Variants in SPATA17 observed in about 807,000 individuals in gnomAD.
The protein encoded by SPATA17 is spermatogenesis associated 17.
In SPATA17, 53 loss-of-function variants were observed where a neutral mutation model predicts 62.2. That is an observed-to-expected ratio of 0.85 (90% CI 0.68 to 1.07). The LOEUF is 1.07. Ranked by LOEUF, SPATA17 falls within the 50% of genes least tolerant of loss-of-function variation. The probability of loss-of-function intolerance (pLI) is 0.00; values close to 1 mark genes in which losing one functional copy is unlikely to be tolerated. For synonymous variants in SPATA17, 146 were observed against 146.8 expected, an observed-to-expected ratio of 0.99 and a Z score of 0.04; for missense variants, 466 against 425.5, an observed-to-expected ratio of 1.10 and a Z score of -0.84.
At chr1:217,712,737 A>G (rs1371434358) in intron 5 of SPATA17, among the ~76,000 whole-genome samples, 2 of 152,172 alleles carry the variant, frequency 1.3e-5, no homozygotes, top group East Asian at 3.9e-4. Flanking sequence ...TTCTCTAAAA[A>G]TACTAGAGCA....
At chr1:217,812,981 C>G (rs11117943) in intron 9 of SPATA17, among the ~76,000 whole-genome samples, 4,161 of 152,200 alleles carry the variant, frequency 0.027, 169 homozygotes, top group African/African-American at 0.095. Flanking sequence ...TGAATTACAA[C>G]AGTAGAGAAG....
chr1:217,712,803 G>C (rs1671909203), intron 5 of SPATA17, among the ~76,000 whole-genome samples: 1 of 152,110 alleles, frequency 6.6e-6, no homozygotes. Context: ...TAGAGTTACA[G>C]AGGGCTCAGC....
At chr1:217,729,885 A>T (rs1672360510) in intron 5 of SPATA17, among the ~76,000 whole-genome samples, 1 of 152,194 alleles carries the variant, frequency 6.6e-6, no homozygotes, top group Non-Finnish European at 1.5e-5. Context: ...AAATACACAG[A>T]AAGGAAAAAA....
At chr1:217,819,693 C>T (rs953150344) in intron 9 of SPATA17, among the ~76,000 whole-genome samples, 1 of 151,972 alleles carries the variant, frequency 6.6e-6, no homozygotes, top group Non-Finnish European at 1.5e-5. Flanking sequence ...GAATTTGATG[C>T]TTCTTTCTTT....
intron 9 of SPATA17, among the ~76,000 whole-genome samples, chr1:217,844,056 C>G (rs918594698): frequency 7.2e-5 from 11 of 152,090 alleles, no homozygotes; most frequent in African/African-American, 2.7e-4. Context: ...AAGAACTATT[C>G]AAGCTAGTAC....
chr1:217,789,496 A>C (rs1673948457), intron 8 of SPATA17, among the ~76,000 whole-genome samples: 1 of 152,190 alleles, frequency 6.6e-6, no homozygotes, highest in African/African-American at 2.4e-5. Context: ...AAGCAAAAAG[A>C]TTCAAGGAAG....
chr1:217,751,156 A>AT (rs753714936), intron 6 of SPATA17, among the ~76,000 whole-genome samples: 1 of 152,232 alleles, frequency 6.6e-6, no homozygotes, highest in Non-Finnish European at 1.5e-5. Context: ...ACGTACAAAG[A>AT]TAAAAACTAA....
chr1:217,775,838 A>G (rs1011884263), intron 7 of SPATA17, among the ~76,000 whole-genome samples: 4 of 152,038 alleles, frequency 2.6e-5, no homozygotes, highest in Admixed American at 2.6e-4. Flanking sequence ...ACAAATATAT[A>G]CCAAAGAAGT....
chr1:217,836,786 G>A (rs1675270617), intron 9 of SPATA17, among the ~76,000 whole-genome samples: 1 of 152,114 alleles, frequency 6.6e-6, no homozygotes, highest in Non-Finnish European at 1.5e-5. Context: ...ACAAAGGACA[G>A]AAGTGCTCCA....
At chr1:217,777,829 A>G (rs1673631186) in intron 7 of SPATA17, among the ~76,000 whole-genome samples, 1 of 152,276 alleles carries the variant, frequency 6.6e-6, no homozygotes, top group Admixed American at 6.5e-5. Context: ...AGATAGTAGG[A>G]AAATTTTCAG....
intron 9 of SPATA17, among the ~76,000 whole-genome samples, chr1:217,845,863 T>C (rs1675512462): frequency 6.6e-6 from 1 of 152,094 alleles, no homozygotes; most frequent in Admixed American, 6.6e-5. Context: ...CATGTAGACA[T>C]TAGTAGTAGT....
At chr1:217,834,706 A>G (rs149534111) in intron 9 of SPATA17, among the ~76,000 whole-genome samples, 1 of 152,290 alleles carries the variant, frequency 6.6e-6, no homozygotes, top group East Asian at 1.9e-4. Flanking sequence ...AAAAAGTTAC[A>G]GTAAGGTAAG....
At chr1:217,855,462 G>T (rs1675759761) in intron 9 of SPATA17, among the ~76,000 whole-genome samples, 1 of 152,084 alleles carries the variant, frequency 6.6e-6, no homozygotes, top group Non-Finnish European at 1.5e-5. Context: ...TAATTAAATA[G>T]TTGAAACCAA....
Position 217,783,160 on chromosome 1 carries a change from A to G in SPATA17, c.872+838A>G, listed in dbSNP as rs568226390. 4.0e-5 allele frequency among the ~76,000 whole-genome samples: 6 copies of G among 150,684 alleles called. No homozygotes were observed. The South Asian group carries it at 1.2e-3, about 31-fold the overall frequency. On this transcript the variant is annotated intron_variant, in intron 8 of 10. Coordinates refer to ENST00000366933, the MANE Select transcript of SPATA17 (RefSeq NM_138796.4). ...ATTGCATTTACATAATCATGTGCTA[A>G]TTGTTACATAATAATTTATATGATA... is the stretch of plus-strand genomic sequence containing the variant.
chr1:217,684,859 A>G (rs1267895170), intron 5 of SPATA17, among the ~76,000 whole-genome samples: 1 of 152,170 alleles, frequency 6.6e-6, no homozygotes, highest in Non-Finnish European at 1.5e-5. Flanking sequence ...ACTTTCTCAC[A>G]TATGTTGTGA....
At chr1:217,830,148 G>A (rs1359522249) in intron 9 of SPATA17, among the ~76,000 whole-genome samples, 1 of 152,034 alleles carries the variant, frequency 6.6e-6, no homozygotes, top group Non-Finnish European at 1.5e-5. Flanking sequence ...TTGCAAGTCA[G>A]ATGTGAATTT....
At chr1:217,702,397 C>T (rs1005691755) in intron 5 of SPATA17, among the ~76,000 whole-genome samples, 1 of 152,044 alleles carries the variant, frequency 6.6e-6, no homozygotes, top group Non-Finnish European at 1.5e-5. Flanking sequence ...TTTTCCCACC[C>T]ATTTGGAAGG....
intron 9 of SPATA17, among the ~76,000 whole-genome samples, chr1:217,830,861 A>T (rs1291514500): frequency 3.3e-5 from 5 of 152,170 alleles, no homozygotes; most frequent in Admixed American, 2.0e-4. Context: ...AGGTTAACAA[A>T]TGTGAATTGC....
intron 3 of SPATA17, among the ~76,000 whole-genome samples, chr1:217,667,217 T>C (rs1670719759): frequency 1.3e-5 from 2 of 151,864 alleles, no homozygotes. Context: ...CCAGCTACTT[T>C]TTTGTAGTTT....
Sources: allele counts gnomAD v4.1 joint callset (sites outside exome capture counted in the v4.1 genomes callset), GRCh38; gene constraint gnomAD v4.1.1; transcripts MANE v1.5; gene names NCBI Gene and HGNC (gene_info 2026-07-23, HGNC 2026-07-21).